The following GSK3B variants were observed in gnomAD, a reference collection of about 807,000 sequenced individuals.
GSK3B encodes the protein glycogen synthase kinase-3 beta.
Under a neutral mutation model 56.4 loss-of-function variants are expected in GSK3B, and 15 were observed. The ratio of observed to expected loss-of-function variants is 0.27; its 90% CI spans 0.18 to 0.41. GSK3B has a LOEUF of 0.41. GSK3B is among the 10% of genes least tolerant of loss of function. The pLI, the probability that GSK3B is intolerant of heterozygous loss-of-function variation, is 1.00. For missense variants in GSK3B, 300 were observed against 513.4 expected (o/e 0.58, Z 4.02); for synonymous variants, 181 against 188.9 (o/e 0.96, Z 0.34).
At chr3:120,039,812 C>A (rs188645025) in intron 1 of GSK3B, among the ~76,000 whole-genome samples, 1 of 152,208 alleles carries the variant, frequency 6.6e-6, no homozygotes, top group Admixed American at 6.5e-5. Context: ...CTGCAAGATA[C>A]ACCCTTCTGC....
chr3:120,065,928 T>C (rs2058274799), intron 1 of GSK3B, among the ~76,000 whole-genome samples: 1 of 152,046 alleles, frequency 6.6e-6, no homozygotes, highest in South Asian at 2.1e-4. Context: ...GGAAAGCAAA[T>C]TAATGCCAGG....
At chr3:119,974,091 A>G (rs1294195080) in intron 2 of GSK3B, among the ~76,000 whole-genome samples, 1 of 152,230 alleles carries the variant, frequency 6.6e-6, no homozygotes, top group African/African-American at 2.4e-5. Context: ...ACATCCATGA[A>G]AGAAAAAATT....
At chr3:119,943,541 T>C (rs887809737) in intron 3 of GSK3B, among the ~76,000 whole-genome samples, 4 of 152,148 alleles carry the variant, frequency 2.6e-5, no homozygotes, top group African/African-American at 9.7e-5. Flanking sequence ...AATAATTTAG[T>C]TGTTTTCCTT....
At chr3:119,882,578 A>G (rs921405996) in intron 7 of GSK3B, among the ~76,000 whole-genome samples, 1 of 152,164 alleles carries the variant, frequency 6.6e-6, no homozygotes, top group Non-Finnish European at 1.5e-5. Flanking sequence ...ACACATCAGC[A>G]TGCATATAAT....
intron 9 of GSK3B, 51 bp from the exon 10 acceptor site, chr3:119,843,404 C>A: frequency 1.0e-6 from 1 of 981,358 alleles, no homozygotes. Flanking sequence ...ACTTTGTATG[C>A]AAAACTATTT....
intron 1 of GSK3B, among the ~76,000 whole-genome samples, chr3:120,053,885 C>T (rs927253677): frequency 6.6e-6 from 1 of 152,180 alleles, no homozygotes; most frequent in Non-Finnish European, 1.5e-5. Flanking sequence ...GCGAGGCCTT[C>T]CAGTCACGTG....
chr3:120,018,724 T>C (rs1321878665), intron 1 of GSK3B, among the ~76,000 whole-genome samples: 1 of 152,186 alleles, frequency 6.6e-6, no homozygotes, highest in Non-Finnish European at 1.5e-5. Flanking sequence ...TCTTCTAATA[T>C]AAACTGCAAA....
intron 1 of GSK3B, 30 bp from the exon 2 acceptor site, chr3:120,002,269 C>G: frequency 1.5e-6 from 2 of 1,371,928 alleles, no homozygotes; most frequent in South Asian, 1.6e-5. Flanking sequence ...TTTTTTTTCA[C>G]GAGAACTGTA....
At chr3:119,894,067 C>G (rs1268545575) in intron 7 of GSK3B, among the ~76,000 whole-genome samples, 1 of 152,054 alleles carries the variant, frequency 6.6e-6, no homozygotes. Flanking sequence ...CCCAGAACCA[C>G]TAATCTTTTT....
chr3:119,909,817 G>A (rs1455564692), intron 6 of GSK3B, among the ~76,000 whole-genome samples: 1 of 151,894 alleles, frequency 6.6e-6, no homozygotes, highest in Non-Finnish European at 1.5e-5. Flanking sequence ...AAAGCTAATG[G>A]TCTCTATTCA....
chr3:119,946,791 T>C lies in GSK3B; in HGVS notation c.366+477A>G, dbSNP rs569739779. 2.0e-5 allele frequency among the ~76,000 whole-genome samples: 3 copies of C among 152,280 alleles called. No homozygotes were observed. The South Asian group carries it at 6.2e-4, about 32-fold the overall frequency. On this transcript the variant is annotated intron_variant, in intron 3 of 10. Transcript: ENST00000264235. ...TTAAAGTAAGCTCTGCAATATTACA[T>C]CTTTTCCAACTTTTTCACTGGCCAA...
At chr3:119,990,053 T>G (rs1419965401) in intron 2 of GSK3B, among the ~76,000 whole-genome samples, 1 of 152,110 alleles carries the variant, frequency 6.6e-6, no homozygotes, top group Non-Finnish European at 1.5e-5. Flanking sequence ...ACTGCCTAAA[T>G]TCAAAGGGCA....
intron 1 of GSK3B, chr3:120,029,727 G>C: frequency 1.8e-6 from 1 of 546,762 alleles, no homozygotes; most frequent in Admixed American, 2.0e-5. Flanking sequence ...TTATCATGCA[G>C]TGCATCCTGG....
At chr3:120,018,928 G>A (rs2057849556) in intron 1 of GSK3B, among the ~76,000 whole-genome samples, 1 of 152,054 alleles carries the variant, frequency 6.6e-6, no homozygotes, top group Non-Finnish European at 1.5e-5. Flanking sequence ...AACAACAGGT[G>A]CTACTTTTGT....
At chr3:120,027,303 G>C (rs2057936567) in intron 1 of GSK3B, among the ~76,000 whole-genome samples, 1 of 151,796 alleles carries the variant, frequency 6.6e-6, no homozygotes, top group Non-Finnish European at 1.5e-5. Flanking sequence ...CTTGAACCCA[G>C]GAGGTGGAGG....
chr3:120,039,045 C>T (rs569212533), intron 1 of GSK3B, among the ~76,000 whole-genome samples: 1 of 152,212 alleles, frequency 6.6e-6, no homozygotes, highest in African/African-American at 2.4e-5. Flanking sequence ...GAACTGATAC[C>T]TCACAAAAGA....
At chr3:120,026,135 C>T (rs1175514474) in intron 1 of GSK3B, among the ~76,000 whole-genome samples, 1 of 152,098 alleles carries the variant, frequency 6.6e-6, no homozygotes, top group Non-Finnish European at 1.5e-5. Flanking sequence ...TTTCATCTCA[C>T]AAATCAGCAA....
At chr3:120,016,988 A>G (rs1042224813) in intron 1 of GSK3B, among the ~76,000 whole-genome samples, 1 of 152,230 alleles carries the variant, frequency 6.6e-6, no homozygotes, top group Admixed American at 6.5e-5. Flanking sequence ...ATACACGTCT[A>G]AAAGGCTTAC....
intron 10 of GSK3B, among the ~76,000 whole-genome samples, chr3:119,834,732 C>T (rs2055663545): frequency 6.6e-6 from 1 of 152,096 alleles, no homozygotes; most frequent in South Asian, 2.1e-4. Context: ...AACTGAGGAA[C>T]ACTTCAGGGA....
Sources: allele counts gnomAD v4.1 joint callset (sites outside exome capture counted in the v4.1 genomes callset), GRCh38; gene constraint gnomAD v4.1.1; transcripts MANE v1.5; gene names NCBI Gene and HGNC (gene_info 2026-07-23, HGNC 2026-07-21).